BAHCC1: variants seen among roughly 807,000 people sequenced by gnomAD.
BAHCC1 encodes the protein BAH domain and coiled-coil containing 1, also known as BAH and coiled-coil domain-containing protein 1.
Under a neutral mutation model 88.2 loss-of-function variants are expected in BAHCC1, and 43 were observed. The observed-to-expected ratio is 0.49, with a 90% CI of 0.38 to 0.63. BAHCC1 has a LOEUF of 0.63. BAHCC1 is among the 20% of genes least tolerant of loss of function. BAHCC1 has a pLI of 0.00. For missense variants in BAHCC1, 3,023 were observed against 1,654.8 expected, an observed-to-expected ratio of 1.83 and a Z score of -14.34; for synonymous variants, 1,510 against 745.5, an observed-to-expected ratio of 2.03 and a Z score of -16.71.
chr17:81,399,778 G>A lies in BAHCC1; in HGVS notation c.39G>A (p.Leu13=), dbSNP rs1331374858. ...ACTTTGCGCCGCCGCCGCATCTGCT[G>A]TCGGAGCGCGGGAGCCTGGGCCACC... ...GRDFAPPPHL[L]SERGSLGHRS... Residue 13 remains leucine (L), a synonymous_variant, in exon 2 of 28, where the codon CTG becomes CTA. Transcript: ENST00000675386. This position sits in a 1 kb window ranked among gnomAD's most constrained non-coding sequence, Gnocchi z 4.5. 2.9e-5 allele frequency: 36 copies of A among 1,235,110 alleles called. No individual in the cohort carries two copies. The highest frequency in any genetic ancestry group is 3.5e-5 in the Non-Finnish European group (35 of 989,490). 76.5% of individuals were successfully genotyped at this position (1,235,110 alleles called of 1,614,324 possible). A position where few individuals can be genotyped will look rare whatever the true frequency, so the allele number is the denominator to read the frequency against.
At chr17:81,444,135 T>A in intron 6 of BAHCC1, 1 of 602,468 alleles carries the variant, frequency 1.7e-6, no homozygotes, top group African/African-American at 1.9e-5. Flanking sequence ...TTACCCACTT[T>A]CAGGGGCCAG....
intron 4 of BAHCC1, among the ~76,000 whole-genome samples, chr17:81,440,091 G>C (rs905533517): frequency 1.3e-5 from 2 of 152,190 alleles, no homozygotes; most frequent in Non-Finnish European, 2.9e-5. Flanking sequence ...CTCTCACCCA[G>C]GACAGGCACC....
At chr17:81,406,636 G>A (rs1305515267) in intron 2 of BAHCC1, among the ~76,000 whole-genome samples, 2 of 152,232 alleles carry the variant, frequency 1.3e-5, no homozygotes, top group Non-Finnish European at 2.9e-5. Context: ...CGCTCACGCA[G>A]GCCTATTTGT....
At chr17:81,460,102 G>C (rs927550522) in intron 23 of BAHCC1, among the ~76,000 whole-genome samples, 175 bp from the exon 24 acceptor site, 11 of 152,124 alleles carry the variant, frequency 7.2e-5, no homozygotes, top group Non-Finnish European at 1.5e-4. Context: ...CACTGCAGGA[G>C]GTGGAGAGGA....
rs1420382973 is a variant in BAHCC1 at position 81,458,632 on chromosome 17, G to A, written c.5355G>A (p.Gly1785=). The A allele has an allele frequency of 5.6e-6, 4 of 717,264 alleles. No individual in the cohort carries two copies. Among genetic ancestry groups the A allele is most frequent in the Admixed American group, 2.0e-5 (1 of 50,056 alleles). The allele number at this position is 717,264 out of a possible 1,614,324, so 44.4% of individuals were successfully genotyped here. A position where few individuals can be genotyped will look rare whatever the true frequency, so the allele number is the denominator to read the frequency against. ...VLQPVLRRKN[G]ALSITLATRN... is the part of the protein sequence containing the mutation. ...CTGCCCACGCGCAGCGGAAGAACGG[G>A]GCCCTGTCCATCACGCTGGCCACAC... The change falls in exon 19 of 28, where the codon GGG becomes GGA. Residue 1785 remains glycine (G), a synonymous_variant. Coordinates refer to ENST00000675386, the MANE Select transcript of BAHCC1 (RefSeq NM_001377448.1).
At chr17:81,432,446 G>A (rs1450552657) in intron 3 of BAHCC1, among the ~76,000 whole-genome samples, 4 of 149,478 alleles carry the variant, frequency 2.7e-5, no homozygotes, top group African/African-American at 9.9e-5. Flanking sequence ...AGGTTTTGGG[G>A]GTCGTGTGGT....
At chr17:81,396,822 G>A (rs541876555) in intron 1 of BAHCC1, 2 of 152,420 alleles carry the variant, frequency 1.3e-5, no homozygotes, top group Non-Finnish European at 2.9e-5. Context: ...AGTTCCTTCC[G>A]AAATGCCCTC....
At chr17:81,449,801 C>T (rs2064600496) in intron 11 of BAHCC1, among the ~76,000 whole-genome samples, 1 of 152,128 alleles carries the variant, frequency 6.6e-6, no homozygotes, top group South Asian at 2.1e-4. Flanking sequence ...AGCATCTGCC[C>T]CTCCGAGCAC....
rs2030527279 is a variant in BAHCC1, at chr17:81,464,009, C to A, written c.*192C>A. ...GAAAGAGCGCTCCAGGTGTCGGAATCCAGTCCCGTCCCATCCTCTGCGGAG... is the reference window on the plus strand; with the variant it reads ...GAAAGAGCGCTCCAGGTGTCGGAATACAGTCCCGTCCCATCCTCTGCGGAG... On this transcript the variant is annotated 3_prime_UTR_variant, in exon 28 of 28. Transcript: ENST00000675386. 1.7e-6 allele frequency: 1 copy of A among 601,038 alleles called. No homozygotes were observed. Among genetic ancestry groups the A allele is most frequent in the East Asian group, 2.8e-5 (1 of 36,102 alleles). 37.2% of individuals were successfully genotyped at this position (601,038 alleles called of 1,614,324 possible).
intron 22 of BAHCC1, 48 bp downstream of exon 22, chr17:81,459,376 C>A: frequency 1.3e-6 from 1 of 765,886 alleles, no homozygotes; most frequent in Non-Finnish European, 2.4e-6. Flanking sequence ...GCTGGCTTGT[C>A]CCAGGACAAA....
Position 81,445,447 on chromosome 17 carries a change from GC to G in BAHCC1, c.2933del (p.Pro978ArgfsTer41). 1 of 765,366 alleles carries G rather than the reference GC, an allele frequency of 1.3e-6. No individual in the cohort carries two copies. The highest frequency in any genetic ancestry group is 2.4e-6 in the Non-Finnish European group (1 of 412,152). The allele number at this position is 765,366 out of a possible 1,614,324, so 47.4% of individuals were successfully genotyped here. Reference sequence around the variant, plus strand: ...CAAGCCAGTTGCCTTAACCCCCACGGCCCCGGGCGCCCCCTCACCCGCTGCA... The same window carrying G: ...CAAGCCAGTTGCCTTAACCCCCACGGCCCGGGCGCCCCCTCACCCGCTGCA... ...THKPVALTPT[A>X]PGAPSPAAGP... On this transcript the variant is annotated frameshift_variant, in exon 10 of 28. Transcript: ENST00000675386. LOFTEE classifies it high-confidence loss of function.
chr17:81,450,313 C>T (rs1442797083), intron 11 of BAHCC1, among the ~76,000 whole-genome samples: 1 of 152,146 alleles, frequency 6.6e-6, no homozygotes, highest in Admixed American at 6.5e-5. Flanking sequence ...TTCCTGGTCT[C>T]TGTGGTCAGC....
chr17:81,415,277 G>C (rs1450031618), intron 2 of BAHCC1, among the ~76,000 whole-genome samples: 1 of 152,262 alleles, frequency 6.6e-6, no homozygotes, highest in Admixed American at 6.5e-5. Flanking sequence ...CAGGGGACAG[G>C]TGTGCTCAGC....
rs1438368119 is a variant in BAHCC1, at chr17:81,444,477, G to A, written c.2421G>A (p.Leu807=). The change falls in exon 7 of 28, where the codon CTG becomes CTA. Residue 807 remains leucine (L), a synonymous_variant. Transcript: ENST00000675386. ...ACCTCATGATGCAGAGCGGCCAGCT[G>A]GGCGGGGACCCAGCCCCCCACACCC... The part of the protein sequence containing the change: ...APHLMMQSGQ[L]GGDPAPHTHP... 4.2e-6 allele frequency: 3 copies of A among 716,290 alleles called. No homozygotes were observed. The Admixed American group carries it at 5.9e-5, about 14-fold the overall frequency. The allele number at this position is 716,290 out of a possible 1,614,324, so 44.4% of individuals were successfully genotyped here.
intron 13 of BAHCC1, 34 bp downstream of exon 13, chr17:81,452,141 TCGCAGCACCCCCACCCCCGGGAGGC>T (rs1568028709): frequency 1.3e-5 from 3 of 231,002 alleles, no homozygotes; most frequent in South Asian, 9.5e-5. Flanking sequence ...CCTGGGAGGG[TCGCAGCACCCCCACCCCCGGGAGGC>T]GCCCACAGTG....
At position 81,464,564 on chromosome 17, in the gene BAHCC1, G is replaced by A. The variant is rs782110281; in HGVS notation, c.*747G>A. 3.3e-5 allele frequency: 5 copies of A among 152,754 alleles called. No homozygotes were observed. The highest frequency in any genetic ancestry group is 5.9e-5 in the Non-Finnish European group (4 of 68,340). 9.5% of individuals were successfully genotyped at this position (152,754 alleles called of 1,614,324 possible). ...GTGTTGGAGCAGGGGGTGGTGATGA[G>A]GGGCCCGTGGGGAAAGGATTCAAGA... is the stretch of plus-strand genomic sequence containing the variant. On this transcript the variant is annotated 3_prime_UTR_variant, in exon 28 of 28. Coordinates refer to ENST00000675386, the MANE Select transcript of BAHCC1 (RefSeq NM_001377448.1).
chr17:81,447,317 A>C lies in BAHCC1; in HGVS notation c.3445A>C (p.Ser1149Arg). 1 of 743,254 alleles carries C rather than the reference A, an allele frequency of 1.3e-6. No individual in the cohort carries two copies. The highest frequency in any genetic ancestry group is 1.4e-5 in the South Asian group (1 of 69,610). 46.0% of individuals were successfully genotyped at this position (743,254 alleles called of 1,614,324 possible). The change falls in exon 11 of 28, where the codon AGC (serine) becomes CGC (arginine). Residue 1149 changes from serine to arginine, a missense_variant. By Grantham distance (110) the Ser-to-Arg change is moderately radical. Transcript: ENST00000675386. ...ACCCCAGGGGAAGGCAGCGGACCCC[A>C]GCCCACTAGAGGGGCTACAAGAACT... is the stretch of plus-strand genomic sequence containing the variant. ...RGPQGKAADP[S>R]PLEGLQELQC...
At chr17:81,441,393 T>C (rs2064411953) in intron 4 of BAHCC1, among the ~76,000 whole-genome samples, 1 of 152,198 alleles carries the variant, frequency 6.6e-6, no homozygotes, top group Non-Finnish European at 1.5e-5. Flanking sequence ...CCCGGCGCTG[T>C]GGCTCACGCC....
intron 14 of BAHCC1, among the ~76,000 whole-genome samples, chr17:81,454,558 A>ACACG (rs2064709470): frequency 7.6e-6 from 1 of 130,808 alleles, no homozygotes; most frequent in Non-Finnish European, 1.7e-5. Flanking sequence ...CACCCCACCC[A>ACACG]CCTGCCCCTA....
Sources: gnomAD v4.1 joint callset for allele counts (sites outside exome capture counted in the v4.1 genomes callset) on GRCh38, gnomAD v4.1.1 for gene constraint, Gnocchi (gnomAD v3.1) non-coding constraint, MANE v1.5 for transcripts, NCBI Gene and HGNC (gene_info 2026-07-23, HGNC 2026-07-21) for gene names.